The following LRP6 variants were observed in gnomAD, a reference collection of about 807,000 sequenced individuals.
LRP6 encodes low-density lipoprotein receptor-related protein 6.
LRP6 carries 43 observed loss-of-function variants against 184.1 expected under a neutral mutation model. The ratio of observed to expected loss-of-function variants is 0.23; its 90% CI spans 0.18 to 0.30. The LOEUF (loss-of-function observed/expected upper bound fraction) is 0.30. LRP6 is among the 10% of genes least tolerant of loss of function. The pLI, the probability that LRP6 is intolerant of heterozygous loss-of-function variation, is 1.00. For synonymous variants in LRP6, 719 were observed against 684.9 expected (o/e 1.05, Z -0.78); for missense variants, 1,571 against 2,005.3 (o/e 0.78, Z 4.14).
At chr12:12,230,878 CAGGAA>C (rs1864765192) in intron 2 of LRP6, among the ~76,000 whole-genome samples, 1 of 151,888 alleles carries the variant, frequency 6.6e-6, no homozygotes, top group African/African-American at 2.4e-5. Context: ...CAAAAATGAA[CAGGAA>C]AGTAAAAAGC....
rs1949573607 is a variant in LRP6, at chr12:12,119,986, AC to A, written c.*1139del. 1.5e-4 allele frequency: 16 copies of A among 109,540 alleles called. No homozygotes were observed. The highest frequency in any genetic ancestry group is 5.2e-4 in the East Asian group (2 of 3,822). The allele number at this position is 109,540 out of a possible 1,614,324, so 6.8% of individuals were successfully genotyped here. A position where few individuals can be genotyped will look rare whatever the true frequency, so the allele number is the denominator to read the frequency against. On this transcript the variant is annotated 3_prime_UTR_variant, in exon 23 of 23. Coordinates refer to ENST00000261349, the MANE Select transcript of LRP6 (RefSeq NM_002336.3). ...TTTTACTCAGAAAACAAACAAACAA[AC>A]AAAATATATATATATATATATATAT... is the stretch of plus-strand genomic sequence containing the variant.
At chr12:12,198,416 C>A (rs1189400347) in intron 3 of LRP6, among the ~76,000 whole-genome samples, 2 of 151,834 alleles carry the variant, frequency 1.3e-5, no homozygotes, top group Non-Finnish European at 2.9e-5. Context: ...CCTTTTCAAC[C>A]TCTATTTAAA....
chr12:12,159,530 T>C (rs1407704919), intron 11 of LRP6, among the ~76,000 whole-genome samples: 1 of 152,164 alleles, frequency 6.6e-6, no homozygotes, highest in Non-Finnish European at 1.5e-5. Flanking sequence ...ACAAAAGTCA[T>C]TTCAGGAGTA....
chr12:12,136,120 G>C (rs1281600164), intron 16 of LRP6, among the ~76,000 whole-genome samples: 2 of 152,078 alleles, frequency 1.3e-5, no homozygotes, highest in Admixed American at 1.3e-4. Context: ...CTGGGAGGCG[G>C]AGGTTACAGT....
chr12:12,229,313 T>C (rs768530943), intron 2 of LRP6, among the ~76,000 whole-genome samples: 2 of 144,262 alleles, frequency 1.4e-5, no homozygotes, highest in African/African-American at 2.6e-5. Flanking sequence ...GAGGTTGCTG[T>C]GAGCCGAGAT....
rs982283754 is a variant in LRP6 at position 12,249,016 on chromosome 12, A to G, written c.56-4361T>C. The G allele has an allele frequency of 1.5e-5, 9 of 619,032 alleles. No individual in the cohort carries two copies. In the Admixed American group the frequency reaches 2.2e-4, roughly 15 times the overall value. The allele number at this position is 619,032 out of a possible 1,614,324, so 38.3% of individuals were successfully genotyped here. A position where few individuals can be genotyped will look rare whatever the true frequency, so the allele number is the denominator to read the frequency against. Reference sequence around the variant, plus strand: ...TGGCAGCCACCACAGGCTCGGGGGTAAAAGTCCCTTGCAATTTCCCACTTT... The same window carrying G: ...TGGCAGCCACCACAGGCTCGGGGGTGAAAGTCCCTTGCAATTTCCCACTTT... On this transcript the variant is annotated intron_variant, in intron 1 of 22. Transcript: ENST00000261349.
At chr12:12,243,873 C>G (rs1432165474) in intron 2 of LRP6, among the ~76,000 whole-genome samples, 1 of 152,174 alleles carries the variant, frequency 6.6e-6, no homozygotes, top group Non-Finnish European at 1.5e-5. Context: ...GCCTCAGCCA[C>G]CCGTCTAGCT....
At position 12,165,222 on chromosome 12, in the gene LRP6, A is replaced by G; in HGVS notation, c.1619T>C (p.Leu540Ser). The G allele has an allele frequency of 6.2e-7, 1 of 1,614,172 alleles. No homozygotes were observed. Reference protein sequence around the residue: ...DKIPHIFGFTLLGDYVYWTDW... With the variant: ...DKIPHIFGFTSLGDYVYWTDW... Reference sequence around the variant, plus strand: ...AGTCCAGTAAACATAGTCACCCAACAAAGTAAATCCAAATATGTGAGGAAT... The same window carrying G: ...AGTCCAGTAAACATAGTCACCCAACGAAGTAAATCCAAATATGTGAGGAAT... The change falls in exon 8 of 23, where the codon TTG becomes TCG. Residue 540 changes from leucine to serine, a missense_variant. Coordinates refer to ENST00000261349, the MANE Select transcript of LRP6 (RefSeq NM_002336.3).
At chr12:12,252,281 C>A (rs1865342561) in intron 1 of LRP6, among the ~76,000 whole-genome samples, 1 of 152,118 alleles carries the variant, frequency 6.6e-6, no homozygotes, top group Non-Finnish European at 1.5e-5. Context: ...AATGTTCAAA[C>A]CTCCTAAATG....
intron 2 of LRP6, among the ~76,000 whole-genome samples, chr12:12,221,842 T>G (rs529597311): frequency 6.6e-6 from 1 of 152,354 alleles, no homozygotes; most frequent in Admixed American, 6.5e-5. Flanking sequence ...CCACATAGTC[T>G]GGGAGGATGA....
At chr12:12,145,166 C>G (rs551246986) in intron 15 of LRP6, among the ~76,000 whole-genome samples, 11 of 150,856 alleles carry the variant, frequency 7.3e-5, no homozygotes, top group Non-Finnish European at 1.6e-4. Context: ...GCATTAGGTA[C>G]CCAGAAAAAA....
chr12:12,226,395 A>G (rs1864624567), intron 2 of LRP6, among the ~76,000 whole-genome samples: 1 of 152,236 alleles, frequency 6.6e-6, no homozygotes, highest in Admixed American at 6.5e-5. Flanking sequence ...ACAGACAAGA[A>G]TTTAAAGCAA....
At chr12:12,207,664 C>G (rs1305915468) in intron 2 of LRP6, among the ~76,000 whole-genome samples, 2 of 152,034 alleles carry the variant, frequency 1.3e-5, no homozygotes, top group African/African-American at 4.8e-5. Flanking sequence ...AAAAAGACTG[C>G]CAAGAAGAGC....
At chr12:12,185,291 A>C (rs915549244) in intron 4 of LRP6, among the ~76,000 whole-genome samples, 1 of 152,150 alleles carries the variant, frequency 6.6e-6, no homozygotes, top group Non-Finnish European at 1.5e-5. Context: ...TATCTCAAAA[A>C]ACAAACAAAA....
intron 2 of LRP6, among the ~76,000 whole-genome samples, chr12:12,229,928 A>G (rs1371456185): frequency 2.0e-5 from 3 of 152,250 alleles, no homozygotes; most frequent in Non-Finnish European, 2.9e-5. Flanking sequence ...TTAAATAAAT[A>G]TATGTGGTCA....
intron 11 of LRP6, 129 bp from the exon 12 acceptor site, chr12:12,159,284 A>G: frequency 1.4e-6 from 1 of 712,948 alleles, no homozygotes; most frequent in Non-Finnish European, 2.4e-6. Flanking sequence ...AGCAATTTAA[A>G]ATAGAAAAAT....
chr12:12,262,733 G>A (rs914042224), intron 1 of LRP6, among the ~76,000 whole-genome samples: 1 of 152,138 alleles, frequency 6.6e-6, no homozygotes, highest in African/African-American at 2.4e-5. Flanking sequence ...CCTAAACTGT[G>A]AGGCCCGTTA....
chr12:12,201,288 G>A (rs1863907958), intron 3 of LRP6, among the ~76,000 whole-genome samples: 5 of 152,108 alleles, frequency 3.3e-5, no homozygotes, highest in Non-Finnish European at 5.9e-5. Flanking sequence ...TGTCCTGGAT[G>A]AGCACTCTGG....
intron 2 of LRP6, among the ~76,000 whole-genome samples, chr12:12,234,668 T>C (rs887759100): frequency 6.6e-6 from 1 of 151,828 alleles, no homozygotes; most frequent in Non-Finnish European, 1.5e-5. Flanking sequence ...CCGCCTCTAC[T>C]AAAAATACAA....
Sources: gnomAD v4.1 joint callset for allele counts (sites outside exome capture counted in the v4.1 genomes callset) on GRCh38, gnomAD v4.1.1 for gene constraint, MANE v1.5 for transcripts, NCBI Gene and HGNC (gene_info 2026-07-23, HGNC 2026-07-21) for gene names.